The following HPS4 variants were observed in gnomAD, a reference collection of about 807,000 sequenced individuals.
HPS4 encodes BLOC-3 complex member HPS4.
Under a neutral mutation model 70.3 loss-of-function variants are expected in HPS4, and 44 were observed. That is an observed-to-expected ratio of 0.63 (90% CI 0.49 to 0.80). The LOEUF is 0.80. Among genes scored for constraint, HPS4 ranks in the 30% least tolerant of loss-of-function variants. The pLI, the probability that HPS4 is intolerant of heterozygous loss-of-function variation, is 0.00. For synonymous variants in HPS4, 377 were observed against 355.9 expected, an observed-to-expected ratio of 1.06 and a Z score of -0.67; for missense variants, 873 against 884.4, an observed-to-expected ratio of 0.99 and a Z score of 0.16.
chr22:26,459,084 A>G (rs1367177306), intron 11 of HPS4, among the ~76,000 whole-genome samples: 2 of 152,228 alleles, frequency 1.3e-5, no homozygotes, highest in Non-Finnish European at 2.9e-5. Flanking sequence ...GCATGATTTC[A>G]CAATACAAAC....
At chr22:26,474,253 A>C (rs749285801) in intron 4 of HPS4, among the ~76,000 whole-genome samples, 25 of 152,190 alleles carry the variant, frequency 1.6e-4, no homozygotes, top group Non-Finnish European at 3.7e-4. Context: ...GAAAAGCCGA[A>C]AAGAGTCCAG....
rs1394947600 is a variant in HPS4, at chr22:26,464,608, A to G, written c.1022T>C (p.Leu341Pro). 1.2e-6 allele frequency: 2 copies of G among 1,614,198 alleles called. No homozygotes were observed. Among genetic ancestry groups the G allele is most frequent in the South Asian group, 1.1e-5 (1 of 91,082 alleles). Residue 341 changes from leucine to proline, a missense_variant, in exon 11 of 14, where the codon CTG becomes CCG. Leu to Pro is a moderately conservative substitution (Grantham distance 98, BLOSUM62 -3). Coordinates refer to ENST00000398145, the MANE Select transcript of HPS4 (RefSeq NM_022081.6). ...HDLESIRPAG[L>P]HNSARGEVLG... is the part of the protein sequence containing the mutation. ...AACCTCACCCCTGGCAGAGTTGTGCAGTCCTGCGGGCCTGATGCTCTCCAG... is the reference window on the plus strand; with the variant it reads ...AACCTCACCCCTGGCAGAGTTGTGCGGTCCTGCGGGCCTGATGCTCTCCAG...
At position 26,472,907 on chromosome 22, in the gene HPS4, G is replaced by A; in HGVS notation, c.309C>T (p.Val103=). The change falls in exon 5 of 14, where the codon GTC becomes GTT. Residue 103 remains valine, a synonymous_variant. Transcript: ENST00000398145. ...VLGCAVELPD[V]SCKRFLDQLV... ...GCTGATCCAGAAACCGCTTGCAGCT[G>A]ACATCAGGGAGCTCCACAGCACAGC... is the stretch of plus-strand genomic sequence containing the variant. 6.2e-7 allele frequency: 1 copy of A among 1,614,218 alleles called. No homozygotes were observed. The highest frequency in any genetic ancestry group is 8.5e-7 in the Non-Finnish European group (1 of 1,180,028).
intron 11 of HPS4, among the ~76,000 whole-genome samples, chr22:26,460,111 C>T (rs575233773): frequency 1.3e-5 from 2 of 152,302 alleles, no homozygotes; most frequent in East Asian, 3.9e-4. Flanking sequence ...ATTTTCTATG[C>T]GCTCAGTTTT....
intron 6 of HPS4, 92 bp from the exon 7 acceptor site, chr22:26,470,905 C>A (rs2089695496): frequency 1.9e-6 from 3 of 1,570,832 alleles, no homozygotes; most frequent in Non-Finnish European, 2.6e-6. Context: ...AACAGCTGGA[C>A]AGGGTGTAGC....
chr22:26,447,486 G>T (rs764416529), downstream of HPS4, among the ~76,000 whole-genome samples: 1 of 152,182 alleles, frequency 6.6e-6, no homozygotes, highest in East Asian at 1.9e-4. Context: ...TGAGTGTCAA[G>T]TGAGGTTTTG....
chr22:26,458,820 C>T (rs962565518), intron 11 of HPS4, among the ~76,000 whole-genome samples: 9 of 139,452 alleles, frequency 6.5e-5, no homozygotes, highest in South Asian at 2.3e-4. Context: ...GACTCTGTCT[C>T]GAAAAAAAAA....
At chr22:26,444,725 C>T (rs1205877724) in intron 3 of HPS4, 1 of 152,222 alleles carries the variant, frequency 6.6e-6, no homozygotes, top group Non-Finnish European at 1.5e-5. Flanking sequence ...TGAAATGCAC[C>T]AGGCAGGTAC....
At chr22:26,468,668 A>C in intron 7 of HPS4, 45 bp from the exon 8 acceptor site, 1 of 1,554,986 alleles carries the variant, frequency 6.4e-7, no homozygotes, top group Non-Finnish European at 8.9e-7. Flanking sequence ...GACGAAATAC[A>C]CCAAAACACT....
rs2085480536 is a variant in HPS4, at chr22:26,453,144, G to A, written c.*89C>T. 1.5e-6 allele frequency: 2 copies of A among 1,340,720 alleles called. No individual in the cohort carries two copies. Among genetic ancestry groups the A allele is most frequent in the Non-Finnish European group, 2.1e-6 (2 of 956,284 alleles). The allele number at this position is 1,340,720 out of a possible 1,614,324, so 83.1% of individuals were successfully genotyped here. On this transcript the variant is annotated 3_prime_UTR_variant, in exon 14 of 14. Coordinates refer to ENST00000398145, the MANE Select transcript of HPS4 (RefSeq NM_022081.6). ...TTCCTAAAAAAGGGAATGTTTTCAA[G>A]AAAAATAAAATAGAGGGGCCTTTTC...
At chr22:26,468,321 G>A (rs2089101638) in intron 8 of HPS4, 3 of 574,084 alleles carry the variant, frequency 5.2e-6, no homozygotes, top group East Asian at 2.9e-5. Flanking sequence ...GATTTCCTTG[G>A]TTTGAAGAAA....
intron 10 of HPS4, 150 bp from the exon 11 acceptor site, chr22:26,464,976 A>G: frequency 2.9e-6 from 2 of 694,738 alleles, no homozygotes; most frequent in South Asian, 4.0e-5. Flanking sequence ...AAATCACAAG[A>G]GTAAAAATAC....
chr22:26,448,180 G>A (rs5761531), downstream of HPS4, among the ~76,000 whole-genome samples: 131,623 of 152,174 alleles, frequency 0.86, 57,522 homozygotes, highest in Non-Finnish European at 0.93. Context: ...CGGCCCCCAG[G>A]TCCTTCTCCC....
At chr22:26,459,867 A>G (rs1269328966) in intron 11 of HPS4, among the ~76,000 whole-genome samples, 1 of 152,276 alleles carries the variant, frequency 6.6e-6, no homozygotes, top group Non-Finnish European at 1.5e-5. Context: ...AAATAATCAT[A>G]TAAAAGAAAT....
intron 8 of HPS4, 162 bp from the exon 9 acceptor site, chr22:26,466,424 C>G (rs970302641): frequency 7.6e-6 from 6 of 788,062 alleles, no homozygotes; most frequent in African/African-American, 5.1e-5. Flanking sequence ...AGAAGCTCCC[C>G]CAAGCTGCTG....
chr22:26,476,890 G>T (rs1470089455), intron 4 of HPS4, 103 bp downstream of exon 4: 8 of 1,236,832 alleles, frequency 6.5e-6, no homozygotes, highest in Non-Finnish European at 8.3e-6. Context: ...ACATGGATGA[G>T]GTTGGTGGGG....
rs1601851119 is a variant in HPS4, at chr22:26,460,278, T to G, written c.1714-1701A>C. On this transcript the variant is annotated intron_variant, in intron 11 of 13. Coordinates refer to ENST00000398145, the MANE Select transcript of HPS4 (RefSeq NM_022081.6). ...GGTTGCAGAGCTATGTAAAAAGATATGTGCTCAGGAAAGACAATCATAATA... is the reference window on the plus strand; with the variant it reads ...GGTTGCAGAGCTATGTAAAAAGATAGGTGCTCAGGAAAGACAATCATAATA... Among the ~76,000 whole-genome samples the G allele has an allele frequency of 1.3e-5, 2 of 152,256 alleles. 1 individual carries two copies. The highest frequency in any genetic ancestry group is 4.1e-4 in the South Asian group (2 of 4,832).
At chr22:26,466,982 G>A (rs1227849997) in intron 8 of HPS4, 1 of 151,636 alleles carries the variant, frequency 6.6e-6, no homozygotes, top group Non-Finnish European at 1.5e-5. Flanking sequence ...TCTAGACAAA[G>A]CGTTGAAAAA....
intron 10 of HPS4, among the ~76,000 whole-genome samples, chr22:26,465,154 A>T (rs2088266132): frequency 6.6e-6 from 1 of 152,210 alleles, no homozygotes; most frequent in African/African-American, 2.4e-5. Context: ...TGAACTCATG[A>T]AAGGGATACT....
Sources: allele counts gnomAD v4.1 joint callset (sites outside exome capture counted in the v4.1 genomes callset), GRCh38; gene constraint gnomAD v4.1.1; transcripts MANE v1.5; gene names NCBI Gene and HGNC (gene_info 2026-07-23, HGNC 2026-07-21).